PIGN: variants seen among roughly 807,000 people sequenced by gnomAD.
PIGN encodes GPI ethanolamine phosphate transferase 1.
PIGN carries 117 observed loss-of-function variants against 125.4 expected under a neutral mutation model. The ratio of observed to expected loss-of-function variants is 0.93; its 90% CI spans 0.80 to 1.09. The LOEUF is 1.09. Among genes scored for constraint, PIGN ranks in the 50% least tolerant of loss-of-function variants. The probability of loss-of-function intolerance (pLI) is 0.00; values close to 1 mark genes in which losing one functional copy is unlikely to be tolerated. For synonymous variants in PIGN, 392 were observed against 377.8 expected, an observed-to-expected ratio of 1.04 and a Z score of -0.44; for missense variants, 1,075 against 1,094.9, an observed-to-expected ratio of 0.98 and a Z score of 0.26.
chr18:62,045,416 C>G lies in PIGN; in HGVS notation c.*440G>C, dbSNP rs2030595062. ...TGTCTAACAAAACCAGTGCTGAAAGCTGATAAATATTGACGGTGGCACCTG... is the reference window on the plus strand; with the variant it reads ...TGTCTAACAAAACCAGTGCTGAAAGGTGATAAATATTGACGGTGGCACCTG... On this transcript the variant is annotated 3_prime_UTR_variant, in exon 31 of 31. Transcript: ENST00000640252. 6.5e-6 allele frequency: 1 copy of G among 153,036 alleles called. No individual in the cohort carries two copies. Among genetic ancestry groups the G allele is most frequent in the South Asian group, 2.0e-4 (1 of 4,882 alleles). 9.5% of individuals were successfully genotyped at this position (153,036 alleles called of 1,614,324 possible).
intron 4 of PIGN, 50 bp from the exon 5 acceptor site, chr18:62,157,858 C>G: frequency 6.6e-7 from 1 of 1,505,346 alleles, no homozygotes; most frequent in Non-Finnish European, 9.1e-7. Context: ...ATTAGATACT[C>G]TCACATAAAG....
At chr18:62,174,935 G>C (rs1275283530) in intron 1 of PIGN, among the ~76,000 whole-genome samples, 1 of 118,300 alleles carries the variant, frequency 8.5e-6, no homozygotes, top group Admixed American at 1.0e-4. Flanking sequence ...AAGAGGATCT[G>C]AAAACAACTC....
intron 30 of PIGN, among the ~76,000 whole-genome samples, chr18:62,053,914 T>A (rs1365663712): frequency 6.6e-6 from 1 of 152,080 alleles, no homozygotes; most frequent in Non-Finnish European, 1.5e-5. Context: ...CTGACCACAG[T>A]GGAATCCAAC....
intron 30 of PIGN, among the ~76,000 whole-genome samples, chr18:62,048,799 C>A (rs1461562452): frequency 6.7e-6 from 1 of 150,102 alleles, no homozygotes; most frequent in Non-Finnish European, 1.5e-5. Flanking sequence ...TGTGCTGCAC[C>A]CATTAACTCG....
intron 7 of PIGN, among the ~76,000 whole-genome samples, chr18:62,150,372 C>G (rs989777010): frequency 1.3e-5 from 2 of 152,146 alleles, no homozygotes; most frequent in Admixed American, 6.5e-5. Flanking sequence ...AATGTATGAA[C>G]AGTTATAGTA....
rs1261899075 is a variant in PIGN at position 62,063,440 on chromosome 18, CTA to C, written c.2672+9231_2672+9232del. Among the ~76,000 whole-genome samples, 58 of 111,882 alleles carry C rather than the reference CTA, an allele frequency of 5.2e-4. 1 individual carries two copies. Among genetic ancestry groups the C allele is most frequent in the African/African-American group, 1.5e-3 (50 of 33,108 alleles). The allele number at this position is 111,882 out of a possible 152,430, so 73.4% of individuals were successfully genotyped here. A position where few individuals can be genotyped will look rare whatever the true frequency, so the allele number is the denominator to read the frequency against. On this transcript the variant is annotated intron_variant, in intron 30 of 30. Coordinates refer to ENST00000640252, the MANE Select transcript of PIGN (RefSeq NM_176787.5). ...TGGTTTTATAGATTTTAGCCAAAAT[CTA>C]TGGTTTTATAGATTTTATCCAAAAT...
At chr18:62,034,766 G>C (rs1420375057) in intron 23 of PIGN, among the ~76,000 whole-genome samples, 3 of 152,150 alleles carry the variant, frequency 2.0e-5, no homozygotes, top group African/African-American at 7.2e-5. Flanking sequence ...TGATTTTACA[G>C]GCTCATGTAA....
At chr18:62,136,907 C>A (rs539275222) in intron 14 of PIGN, 1 of 392,426 alleles carries the variant, frequency 2.5e-6, no homozygotes, top group African/African-American at 2.1e-5. Flanking sequence ...CCTGGGACAG[C>A]AAAATCTGCT....
chr18:62,038,152 G>A (rs1249982521), downstream of PIGN, among the ~76,000 whole-genome samples: 1 of 152,140 alleles, frequency 6.6e-6, no homozygotes, highest in Non-Finnish European at 1.5e-5. Flanking sequence ...GAGGGATAAA[G>A]TCTGAATCAG....
In PIGN at chr18:62,084,402, C is replaced by T. The variant is rs2033590232; in HGVS notation, c.2502+129G>A. ...GTTTGGAGTAAGGGATAGAGGGTCTCACCTCCAGTTTAGCAGTGCCAACTC... is the reference window on the plus strand; with the variant it reads ...GTTTGGAGTAAGGGATAGAGGGTCTTACCTCCAGTTTAGCAGTGCCAACTC... On this transcript the variant is annotated intron_variant, in intron 27 of 30. Coordinates refer to ENST00000640252, the MANE Select transcript of PIGN (RefSeq NM_176787.5). 1.4e-5 allele frequency: 8 copies of T among 591,978 alleles called. No homozygotes were observed. The South Asian group carries it at 1.8e-4, about 14-fold the overall frequency. 36.7% of individuals were successfully genotyped at this position (591,978 alleles called of 1,614,324 possible). A position where few individuals can be genotyped will look rare whatever the true frequency, so the allele number is the denominator to read the frequency against.
At position 62,113,210 on chromosome 18, in the gene PIGN, C is replaced by G; in HGVS notation, c.1358G>C (p.Gly453Ala). Residue 453 changes from glycine (G) to alanine (A), a missense_variant, in exon 16 of 31, where the codon GGA becomes GCA. Physicochemically the swap from Gly to Ala is moderately conservative, Grantham distance 60. Transcript: ENST00000640252. ...LGVNVVIGFV[G>A]WISYASLLII... The stretch of plus-strand genomic sequence containing the variant: ...CAACAAAGAGGCATAAGATATCCAT[C>G]CCACAAAACCAATAACAACATTGAC... 1 of 1,612,850 alleles carries G rather than the reference C, an allele frequency of 6.2e-7. No homozygotes were observed. Among genetic ancestry groups the G allele is most frequent in the South Asian group, 1.1e-5 (1 of 91,028 alleles).
chr18:62,054,815 A>C (rs1361971202), intron 30 of PIGN, among the ~76,000 whole-genome samples: 1 of 152,196 alleles, frequency 6.6e-6, no homozygotes, highest in African/African-American at 2.4e-5. Context: ...TTCCTAGAAT[A>C]AAATATAGAA....
intron 14 of PIGN, among the ~76,000 whole-genome samples, chr18:62,117,834 G>A (rs781659271): frequency 6.6e-6 from 1 of 151,752 alleles, no homozygotes. Context: ...TTTCTGTGGC[G>A]GCCTTATTTC....
At chr18:62,163,121 C>T (rs2037012723) in intron 2 of PIGN, among the ~76,000 whole-genome samples, 1 of 152,058 alleles carries the variant, frequency 6.6e-6, no homozygotes, top group South Asian at 2.1e-4. Flanking sequence ...AATTTATATC[C>T]ATTTTTATTT....
intron 23 of PIGN, among the ~76,000 whole-genome samples, chr18:62,029,175 TGAA>T (rs2030162065): frequency 6.6e-6 from 1 of 152,206 alleles, no homozygotes; most frequent in African/African-American, 2.4e-5. Flanking sequence ...ATGCTTTGGA[TGAA>T]GAAGAAGGAC....
At chr18:62,051,223 G>A (rs1197976424) in intron 30 of PIGN, among the ~76,000 whole-genome samples, 2 of 152,138 alleles carry the variant, frequency 1.3e-5, no homozygotes, top group East Asian at 3.8e-4. Flanking sequence ...CATAAAATGA[G>A]TTAGGGAGGA....
At chr18:62,111,549 G>C (rs2034881269) in intron 16 of PIGN, among the ~76,000 whole-genome samples, 1 of 152,106 alleles carries the variant, frequency 6.6e-6, no homozygotes, top group Non-Finnish European at 1.5e-5. Context: ...TGTAGATATA[G>C]TGACTTATGC....
intron 23 of PIGN, among the ~76,000 whole-genome samples, chr18:62,031,909 T>C (rs1169227461): frequency 1.3e-5 from 2 of 152,152 alleles, no homozygotes; most frequent in African/African-American, 2.4e-5. Flanking sequence ...CAAAGTCCTA[T>C]ATCCAGGTAC....
At chr18:62,076,566 C>T (rs895201081) in intron 28 of PIGN, among the ~76,000 whole-genome samples, 3 of 152,122 alleles carry the variant, frequency 2.0e-5, no homozygotes, top group Non-Finnish European at 2.9e-5. Context: ...CCTAACTCTT[C>T]GCCTAACCCA....
Sources: allele counts gnomAD v4.1 joint callset (sites outside exome capture counted in the v4.1 genomes callset), GRCh38; gene constraint gnomAD v4.1.1; transcripts MANE v1.5; gene names NCBI Gene and HGNC (gene_info 2026-07-23, HGNC 2026-07-21).